Variants in TBC1D32 observed in about 807,000 individuals in gnomAD.
TBC1D32 encodes the protein TBC1 domain family member 32.
TBC1D32 carries 151 observed loss-of-function variants against 170.3 expected under a neutral mutation model. The ratio of observed to expected loss-of-function variants is 0.89; its 90% CI spans 0.78 to 1.01. The LOEUF is 1.01. Among genes scored for constraint, TBC1D32 ranks in the 50% least tolerant of loss-of-function variants. TBC1D32 has a pLI of 0.00. For synonymous variants in TBC1D32, 498 were observed against 488.0 expected (o/e 1.02, Z -0.27); for missense variants, 1,464 against 1,457.1 (o/e 1.00, Z -0.08).
intron 24 of TBC1D32, among the ~76,000 whole-genome samples, chr6:121,157,922 G>A (rs1232485529): frequency 6.6e-6 from 1 of 152,072 alleles, no homozygotes; most frequent in African/African-American, 2.4e-5. Context: ...TTTCTCTCTA[G>A]CTGCCTTTAA....
intron 12 of TBC1D32, among the ~76,000 whole-genome samples, chr6:121,291,160 A>G (rs1804798397): frequency 6.6e-6 from 1 of 151,958 alleles, no homozygotes; most frequent in East Asian, 1.9e-4. Flanking sequence ...AAAAAAAAAA[A>G]GAAAGAAAGA....
At chr6:121,121,659 T>C (rs772353193) in intron 26 of TBC1D32, among the ~76,000 whole-genome samples, 31 of 152,186 alleles carry the variant, frequency 2.0e-4, no homozygotes, top group Non-Finnish European at 4.1e-4. Flanking sequence ...GTTTACTCTA[T>C]TGCCTATTAA....
At chr6:121,287,644 C>G (rs1490265828) in intron 12 of TBC1D32, among the ~76,000 whole-genome samples, 1 of 152,166 alleles carries the variant, frequency 6.6e-6, no homozygotes, top group Non-Finnish European at 1.5e-5. Context: ...AGCTCTGCAC[C>G]AAGCAGACCT....
intron 31 of TBC1D32, among the ~76,000 whole-genome samples, chr6:121,085,908 A>G (rs1014464809): frequency 2.6e-5 from 4 of 152,074 alleles, no homozygotes; most frequent in Admixed American, 6.6e-5. Flanking sequence ...CAGAAACAGT[A>G]TAAGAGGGTA....
At chr6:121,240,877 C>CAAAAA (rs35249678) in intron 19 of TBC1D32, among the ~76,000 whole-genome samples, 6 of 84,018 alleles carry the variant, frequency 7.1e-5, no homozygotes, top group Admixed American at 1.3e-4. Flanking sequence ...TTCTGTCTCA[C>CAAAAA]AAAAAAAAAA....
chr6:121,319,254 G>A (rs896464738), intron 2 of TBC1D32, among the ~76,000 whole-genome samples: 2 of 152,042 alleles, frequency 1.3e-5, no homozygotes, highest in African/African-American at 2.4e-5. Context: ...AACAGAGTCC[G>A]AGGAATATCC....
intron 12 of TBC1D32, among the ~76,000 whole-genome samples, chr6:121,287,679 C>T (rs1402552516): frequency 1.3e-5 from 2 of 152,170 alleles, no homozygotes; most frequent in African/African-American, 2.4e-5. Context: ...GAACTCTCCA[C>T]CCCAAATCAA....
chr6:121,287,296 G>C (rs1044526002), intron 12 of TBC1D32, among the ~76,000 whole-genome samples: 1 of 152,052 alleles, frequency 6.6e-6, no homozygotes, highest in African/African-American at 2.4e-5. Flanking sequence ...GAAAATAAAA[G>C]GATGAAGGAA....
intron 30 of TBC1D32, among the ~76,000 whole-genome samples, chr6:121,091,370 AAG>A (rs1046342762): frequency 4.6e-5 from 7 of 152,128 alleles, no homozygotes; most frequent in African/African-American, 1.7e-4. Flanking sequence ...AACAAATGCT[AAG>A]AGACTATTTT....
chr6:121,329,786 C>A (rs1230173858), intron 1 of TBC1D32, among the ~76,000 whole-genome samples: 1 of 151,886 alleles, frequency 6.6e-6, no homozygotes, highest in Admixed American at 6.6e-5. Flanking sequence ...ATGAGGAATT[C>A]TTAAAATAGG....
intron 24 of TBC1D32, among the ~76,000 whole-genome samples, chr6:121,149,253 G>A (rs1582973377): frequency 6.6e-6 from 1 of 152,174 alleles, no homozygotes; most frequent in South Asian, 2.1e-4. Flanking sequence ...CAGGAACTCT[G>A]TAGTTTAATT....
At chr6:121,119,778 C>T (rs1364593075) in intron 26 of TBC1D32, among the ~76,000 whole-genome samples, 1 of 152,012 alleles carries the variant, frequency 6.6e-6, no homozygotes, top group East Asian at 1.9e-4. Context: ...TTGATTTTTC[C>T]AGATTTGCAA....
intron 22 of TBC1D32, among the ~76,000 whole-genome samples, chr6:121,175,019 T>C (rs529990124): frequency 3.6e-5 from 2 of 55,768 alleles, no homozygotes; most frequent in Admixed American, 2.6e-4. Context: ...GTGACAGACC[T>C]TGTCAAAAAA....
intron 21 of TBC1D32, among the ~76,000 whole-genome samples, chr6:121,208,428 T>C (rs9375011): frequency 0.71 from 107,953 of 151,638 alleles, 42,237 homozygotes; most frequent in Non-Finnish European, 0.87. Flanking sequence ...TATAAAATCT[T>C]ATGAGAAGTC....
At chr6:121,101,935 A>G (rs769802249) in intron 30 of TBC1D32, among the ~76,000 whole-genome samples, 12 of 152,300 alleles carry the variant, frequency 7.9e-5, no homozygotes, top group Middle Eastern at 6.8e-3. Flanking sequence ...GCATTCTTAT[A>G]CACCGATAAC....
intron 18 of TBC1D32, 144 bp from the exon 19 acceptor site, chr6:121,241,696 G>C: frequency 1.4e-6 from 1 of 732,886 alleles, no homozygotes; most frequent in Non-Finnish European, 2.3e-6. Context: ...AAGCCCAAAA[G>C]TCTAGGGATA....
chr6:121,170,434 T>C, intron 22 of TBC1D32: 1 of 1,605,598 alleles, frequency 6.2e-7, no homozygotes. Flanking sequence ...CCAAGATATT[T>C]TCTTCTTGAG....
intron 15 of TBC1D32, among the ~76,000 whole-genome samples, chr6:121,259,340 T>C (rs1279650158): frequency 6.6e-6 from 1 of 151,968 alleles, no homozygotes; most frequent in South Asian, 2.1e-4. Context: ...CTCATAAAGA[T>C]AATGATTGGG....
At position 121,133,268 on chromosome 6, in the gene TBC1D32, G is replaced by T. The variant is rs539603094; in HGVS notation, c.2774-1516C>A. On this transcript the variant is annotated intron_variant, in intron 24 of 31. Transcript: ENST00000398212. ...ATAATGATGAAAACAAGTCTTTATTGTTCCAGGTTTTAAAAATCAAAGAAG... is the reference window on the plus strand; with the variant it reads ...ATAATGATGAAAACAAGTCTTTATTTTTCCAGGTTTTAAAAATCAAAGAAG... Among the ~76,000 whole-genome samples the T allele has an allele frequency of 3.3e-5, 5 of 151,922 alleles. No homozygotes were observed. The East Asian group carries it at 9.6e-4, about 29-fold the overall frequency.
Sources: gnomAD v4.1 joint callset for allele counts (sites outside exome capture counted in the v4.1 genomes callset) on GRCh38, gnomAD v4.1.1 for gene constraint, MANE v1.5 for transcripts, NCBI Gene and HGNC (gene_info 2026-07-23, HGNC 2026-07-21) for gene names.